Variants in IFT56 observed in about 807,000 individuals in gnomAD.
IFT56 encodes the protein intraflagellar transport 56.
chr7:139,181,326 A>G, the IFT56 span: 1 of 614,992 alleles, frequency 1.6e-6, no homozygotes, highest in Non-Finnish European at 2.8e-6. Context: ...TAGTGTTATA[A>G]GAGATGCCAT....
At chr7:139,169,328 G>A in the IFT56 span, 2 of 1,614,016 alleles carry the variant, frequency 1.2e-6, no homozygotes, top group Non-Finnish European at 8.5e-7. Context: ...CTTCCAGTTG[G>A]TGGGAGGATC....
chr7:139,176,860 G>A, the IFT56 span, among the ~76,000 whole-genome samples: 4 of 152,220 alleles, frequency 2.6e-5, no homozygotes, highest in African/African-American at 7.2e-5. Context: ...CTTAAGTCTA[G>A]TAGGGCAGAT....
chr7:139,134,059 A>G, the IFT56 span, among the ~76,000 whole-genome samples: 2 of 152,164 alleles, frequency 1.3e-5, no homozygotes, highest in Non-Finnish European at 2.9e-5. Context: ...CCGTTTACTC[A>G]CATTTAAACC....
the IFT56 span, chr7:139,137,789 A>T: frequency 7.0e-7 from 1 of 1,431,650 alleles, no homozygotes; most frequent in Non-Finnish European, 9.8e-7. Flanking sequence ...TTTTTTTTTA[A>T]ACAGAGAGTT....
At chr7:139,179,695 G>C in the IFT56 span, 2 of 1,443,106 alleles carry the variant, frequency 1.4e-6, no homozygotes, top group South Asian at 2.4e-5. Context: ...TTTCTTTTTG[G>C]TTGCATAATC....
chr7:139,140,049 G>T, the IFT56 span: 1 of 1,300,868 alleles, frequency 7.7e-7, no homozygotes. Context: ...ATAGTTAAGA[G>T]TTGTTTTGAA....
At chr7:139,183,352 C>T in the IFT56 span, among the ~76,000 whole-genome samples, 1 of 152,098 alleles carries the variant, frequency 6.6e-6, no homozygotes, top group Admixed American at 6.5e-5. Flanking sequence ...ATTTATTACA[C>T]TACAGGAACA....
At chr7:139,158,323 A>AAAAAAAAAAAAAC in the IFT56 span, among the ~76,000 whole-genome samples, 106 of 151,660 alleles carry the variant, frequency 7.0e-4, 4 homozygotes, top group African/African-American at 1.9e-3. Context: ...CAAAAAAAAA[A>AAAAAAAAAAAAAC]AACCAACAAA....
chr7:139,140,874 A>C, the IFT56 span, among the ~76,000 whole-genome samples: 2 of 151,936 alleles, frequency 1.3e-5, no homozygotes, highest in Admixed American at 6.6e-5. Context: ...GATAGGGAAG[A>C]ATGTATTTGA....
the IFT56 span, chr7:139,187,632 A>G: frequency 2.8e-6 from 4 of 1,423,642 alleles, no homozygotes; most frequent in South Asian, 3.9e-5. Context: ...CTGAAAACAC[A>G]TGATTATAAT....
At chr7:139,172,100 A>G in the IFT56 span, among the ~76,000 whole-genome samples, 2 of 151,882 alleles carry the variant, frequency 1.3e-5, no homozygotes, top group African/African-American at 2.4e-5. Flanking sequence ...AGAGTTGCTC[A>G]GCTTCATCAA....
At chr7:139,188,892 G>T in the IFT56 span, among the ~76,000 whole-genome samples, 1 of 152,134 alleles carries the variant, frequency 6.6e-6, no homozygotes, top group Non-Finnish European at 1.5e-5. Flanking sequence ...GTTGAAGGTG[G>T]TTACCACCTT....
the IFT56 span, among the ~76,000 whole-genome samples, chr7:139,166,084 A>C: frequency 6.6e-6 from 1 of 152,070 alleles, no homozygotes; most frequent in African/African-American, 2.4e-5. Flanking sequence ...CAGCCTCCCA[A>C]GTAGCTGGGA....
At chr7:139,184,783 G>A in the IFT56 span, among the ~76,000 whole-genome samples, 1 of 152,176 alleles carries the variant, frequency 6.6e-6, no homozygotes. Context: ...GGCCGGGCGT[G>A]GTGGCTGATG....
At chr7:139,173,993 A>G in the IFT56 span, 1 of 634,846 alleles carries the variant, frequency 1.6e-6, no homozygotes, top group Non-Finnish European at 3.0e-6. Context: ...ATGAATTTTC[A>G]TCATTTTCAT....
chr7:139,184,923 G>C, the IFT56 span, among the ~76,000 whole-genome samples: 1 of 151,602 alleles, frequency 6.6e-6, no homozygotes, highest in Non-Finnish European at 1.5e-5. Flanking sequence ...GCGTGGTGGC[G>C]GGCGCCTGTA....
chr7:139,188,612 G>A, the IFT56 span, among the ~76,000 whole-genome samples: 1,519 of 152,226 alleles, frequency 1.0e-2, 5 homozygotes, highest in Middle Eastern at 0.034. Flanking sequence ...GTTGTTTGTG[G>A]GGAAAAAGAA....
At chr7:139,178,675 G>A in the IFT56 span, 1 of 1,326,890 alleles carries the variant, frequency 7.5e-7, no homozygotes, top group Non-Finnish European at 1.1e-6. Flanking sequence ...GGAATAAAAT[G>A]GTCAAGGGTT....
chr7:139,178,447 T>C, the IFT56 span: 1 of 1,496,186 alleles, frequency 6.7e-7, no homozygotes, highest in Non-Finnish European at 9.3e-7. Context: ...TGTGTTTATC[T>C]GGTATAACTG....
Sources: gnomAD v4.1 joint callset for allele counts (sites outside exome capture counted in the v4.1 genomes callset) on GRCh38, gnomAD v4.1.1 for gene constraint, MANE v1.5 for transcripts, NCBI Gene and HGNC (gene_info 2026-07-23, HGNC 2026-07-21) for gene names.